The following HECTD4 variants were observed in gnomAD, a reference collection of about 807,000 sequenced individuals.
The protein encoded by HECTD4 is probable E3 ubiquitin-protein ligase HECTD4.
In HECTD4, 114 loss-of-function variants were observed where a neutral mutation model predicts 471.5. The ratio of observed to expected loss-of-function variants is 0.24; its 90% CI spans 0.21 to 0.28. HECTD4 has a LOEUF of 0.28. Ranked by LOEUF, HECTD4 falls within the 10% of genes least tolerant of loss-of-function variation. The pLI, the probability that HECTD4 is intolerant of heterozygous loss-of-function variation, is 1.00. For synonymous variants in HECTD4, 2,012 were observed against 2,256.0 expected (o/e 0.89, Z 3.07); for missense variants, 3,866 against 5,651.5 (o/e 0.68, Z 10.13).
chr12:112,208,557 G>T lies in HECTD4; in HGVS notation c.7941C>A (p.Asp2647Glu). The change falls in exon 51 of 76, where the codon GAC becomes GAA. Residue 2647 changes from aspartate to glutamate, a missense_variant. Around this residue, in one of 16 missense-constraint regions of HECTD4, gnomAD observed 266 missense variants for 441.6 expected, o/e 0.60. Coordinates refer to ENST00000682272, the MANE Select transcript of HECTD4 (RefSeq NM_001388303.1). ...SYENFITSGP[D>E]PHPPPIADDE... ...CATCTGCAATGGGAGGCGGGTGAGG[G>T]TCTGGGCCAGAGGTGATGAAATTCT... The T allele has an allele frequency of 6.2e-7, 1 of 1,608,516 alleles. No homozygotes were observed.
chr12:112,192,665 A>G lies in HECTD4; in HGVS notation c.9187T>C (p.Tyr3063His). ...GQLNLIEAAC[Y>H]PRDASPANTG... ...TTGGCTGGGGACGCGTCCCGCGGGTAACAGGCGGCCTCGATGAGGTTCAGC... is the reference window on the plus strand; with the variant it reads ...TTGGCTGGGGACGCGTCCCGCGGGTGACAGGCGGCCTCGATGAGGTTCAGC... The change falls in exon 59 of 76, where the codon TAC (tyrosine) becomes CAC (histidine). Residue 3063 changes from tyrosine to histidine, a missense_variant. This residue lies in a region of HECTD4 where 364 missense variants were observed against 413.2 expected (regional missense o/e 0.88). Transcript: ENST00000682272. The G allele has an allele frequency of 1.2e-6, 2 of 1,606,490 alleles. No homozygotes were observed. The highest frequency in any genetic ancestry group is 1.7e-6 in the Non-Finnish European group (2 of 1,176,910).
chr12:112,355,695 C>T (rs975568104), intron 1 of HECTD4, among the ~76,000 whole-genome samples: 1 of 151,900 alleles, frequency 6.6e-6, no homozygotes, highest in East Asian at 1.9e-4. Context: ...GCCCGGGAGG[C>T]GGAGGTTGCA....
intron 67 of HECTD4, among the ~76,000 whole-genome samples, chr12:112,172,107 T>C (rs930475021): frequency 1.3e-5 from 2 of 152,192 alleles, no homozygotes; most frequent in African/African-American, 4.8e-5. Context: ...TTCTCCATGT[T>C]GGTCAGGCTA....
chr12:112,204,212 T>C (rs1271516753), intron 53 of HECTD4, among the ~76,000 whole-genome samples: 5 of 152,212 alleles, frequency 3.3e-5, no homozygotes, highest in Non-Finnish European at 7.3e-5. Flanking sequence ...CCAGCTATTT[T>C]CTATGTTTTT....
At chr12:112,170,202 G>T in intron 69 of HECTD4, 131 bp downstream of exon 69, 1 of 1,287,918 alleles carries the variant, frequency 7.8e-7, no homozygotes. Context: ...CCACACACCA[G>T]GGCGCTCCAG....
At position 112,216,874 on chromosome 12, in the gene HECTD4, G is replaced by A. The variant is rs771485523; in HGVS notation, c.7284C>T (p.Thr2428=). Residue 2428 remains threonine (T), a synonymous_variant, in exon 47 of 76, where the codon ACC becomes ACT. Coordinates refer to ENST00000682272, the MANE Select transcript of HECTD4 (RefSeq NM_001388303.1). ...AAACTATGGGTCCGGTGTCATCATC[G>A]GTGTCTCCATAGGAAACGATTTCAA... The part of the protein sequence containing the change: ...WEIEIVSYGD[T]DDDTGPIVSF... The A allele has an allele frequency of 1.3e-5, 21 of 1,613,842 alleles. No individual in the cohort carries two copies. The highest frequency in any genetic ancestry group is 8.9e-5 in the East Asian group (4 of 44,896).
intron 32 of HECTD4, among the ~76,000 whole-genome samples, chr12:112,240,395 G>A (rs576634195): frequency 6.6e-6 from 1 of 152,094 alleles, no homozygotes; most frequent in Admixed American, 6.5e-5. Flanking sequence ...TTTCAGACAT[G>A]TCTACAATAA....
At chr12:112,219,891 C>T (rs1049864785) in intron 44 of HECTD4, among the ~76,000 whole-genome samples, 10 of 152,178 alleles carry the variant, frequency 6.6e-5, no homozygotes, top group African/African-American at 1.9e-4. Flanking sequence ...TGAGCCACCG[C>T]GCCCAGCCTG....
rs761494654 is a variant in HECTD4, at chr12:112,275,754, G to A, written c.1688-794C>T. On this transcript the variant is annotated intron_variant, in intron 9 of 75. Coordinates refer to ENST00000682272, the MANE Select transcript of HECTD4 (RefSeq NM_001388303.1). The stretch of plus-strand genomic sequence containing the variant: ...TTAATCACCCTAGTAGCCCAGATCC[G>A]CATCGTGCCTAACTTAAGTTATAAC... Among the ~76,000 whole-genome samples the A allele has an allele frequency of 7.9e-5, 12 of 151,762 alleles. No individual in the cohort carries two copies. The South Asian group carries it at 2.3e-3, about 29-fold the overall frequency.
At chr12:112,171,079 T>A in intron 68 of HECTD4, 38 bp downstream of exon 68, 1 of 1,562,324 alleles carries the variant, frequency 6.4e-7, no homozygotes, top group Non-Finnish European at 8.7e-7. Flanking sequence ...AGGTCACCTC[T>A]CTCTTCCTGC....
intron 18 of HECTD4, among the ~76,000 whole-genome samples, chr12:112,259,920 G>A (rs780391809): frequency 5.3e-4 from 81 of 152,050 alleles, no homozygotes; most frequent in Non-Finnish European, 1.1e-3. Flanking sequence ...GGGGCATGCA[G>A]AAGCAGGCAG....
chr12:112,362,088 T>TG (rs1237390715), intron 1 of HECTD4, among the ~76,000 whole-genome samples: 1 of 152,194 alleles, frequency 6.6e-6, no homozygotes, highest in Non-Finnish European at 1.5e-5. Context: ...CAAACAGACT[T>TG]GCAACCAGAG....
Position 112,248,125 on chromosome 12 carries a change from G to C in HECTD4, c.4190C>G (p.Ala1397Gly), listed in dbSNP as rs1208520242. ...GTTGTTCTCCAGTTTCCCCTGCATG[G>C]CATCATCAACTTCACTTTGCCATTT... ...EQKWQSEVDDAMQGKLENNMP... is the reference protein window; with the variant it reads ...EQKWQSEVDDGMQGKLENNMP... Residue 1397 changes from alanine to glycine, a missense_variant, in exon 27 of 76, where the codon GCC becomes GGC. Ala to Gly is a moderately conservative substitution (Grantham distance 60). Transcript: ENST00000682272. 6.2e-7 allele frequency: 1 copy of C among 1,613,292 alleles called. No homozygotes were observed. Among genetic ancestry groups the C allele is most frequent in the Non-Finnish European group, 8.5e-7 (1 of 1,179,714 alleles).
At position 112,308,693 on chromosome 12, in the gene HECTD4, TA is replaced by T. The variant is rs1296564763; in HGVS notation, c.1164+59del. On this transcript the variant is annotated intron_variant, in intron 6 of 75. Transcript: ENST00000682272. ...TGTATTATTATTACTTCTGATGATA[TA>T]GGAACTTTCTTTATTGCCTCTAAAA... The T allele has an allele frequency of 1.1e-5, 16 of 1,412,344 alleles. No homozygotes were observed. The Admixed American group carries it at 1.4e-4, about 12-fold the overall frequency. The allele number at this position is 1,412,344 out of a possible 1,614,324, so 87.5% of individuals were successfully genotyped here.
At chr12:112,378,406 A>G (rs1027776742) in intron 1 of HECTD4, among the ~76,000 whole-genome samples, 2 of 149,450 alleles carry the variant, frequency 1.3e-5, no homozygotes, top group East Asian at 4.0e-4. Context: ...TTTTTTTTTT[A>G]GTAGAGACGG....
In HECTD4 at chr12:112,270,434, A is replaced by G; in HGVS notation, c.1968T>C (p.Val656=). The G allele has an allele frequency of 6.2e-7, 1 of 1,614,038 alleles. No homozygotes were observed. The highest frequency in any genetic ancestry group is 8.5e-7 in the Non-Finnish European group (1 of 1,179,880). ...CAACGTGGTGCAATAATTGGTTTAT[A>G]ACCTCATTCGTGGTTATAGCCTCTT... ...PKEEAITTNE[V]INQLLHHVGA... The change falls in exon 12 of 76, where the codon GTT becomes GTC. Residue 656 remains valine, a synonymous_variant. Transcript: ENST00000682272.
chr12:112,343,505 C>T (rs561544080), intron 1 of HECTD4, among the ~76,000 whole-genome samples: 1 of 152,244 alleles, frequency 6.6e-6, no homozygotes, highest in South Asian at 2.1e-4. Context: ...CATGGTGGCT[C>T]AGGTCTGTAA....
In HECTD4 at chr12:112,258,567, C is replaced by T. The variant is rs560873591; in HGVS notation, c.3057G>A (p.Pro1019=). 15 of 1,606,156 alleles carry T rather than the reference C, an allele frequency of 9.3e-6. No individual in the cohort carries two copies. In the African/African-American group the frequency reaches 1.1e-4, roughly 12 times the overall value. ...GGGAACAGCCCACCTCAGCAAAAAC[C>T]GGACACTGGGTTTTAAGCAGCAACG... is the stretch of plus-strand genomic sequence containing the variant. ...QTALLLKTQC[P]VFAEVGCSPC... Residue 1019 remains proline, a synonymous_variant, in exon 20 of 76, where the codon CCG becomes CCA. Transcript: ENST00000682272.
intron 52 of HECTD4, among the ~76,000 whole-genome samples, chr12:112,207,587 G>A (rs765681198): frequency 1.4e-4 from 22 of 152,188 alleles, no homozygotes; most frequent in Non-Finnish European, 1.6e-4. Context: ...TAAACAGTAT[G>A]ACTTCAGATG....
Sources: allele counts gnomAD v4.1 joint callset (sites outside exome capture counted in the v4.1 genomes callset), GRCh38; gene constraint gnomAD v4.1.1; regional missense constraint gnomAD v4.1.1; transcripts MANE v1.5; gene names NCBI Gene and HGNC (gene_info 2026-07-23, HGNC 2026-07-21).